Variants in PCDHA9 observed in about 807,000 individuals in gnomAD.
PCDHA9 encodes the protein protocadherin alpha 9, also known as protocadherin alpha-9.
Under a neutral mutation model 62.0 loss-of-function variants are expected in PCDHA9, and 62 were observed. The observed-to-expected ratio is 1.00, with a 90% CI of 0.81 to 1.23. PCDHA9 has a LOEUF of 1.23. Ranked by LOEUF, PCDHA9 falls within the 50% of genes most tolerant of loss-of-function variation. The pLI is 0.00. For synonymous variants in PCDHA9, 557 were observed against 567.6 expected (o/e 0.98, Z 0.27); for missense variants, 1,205 against 1,249.8 (o/e 0.96, Z 0.54).
At chr5:140,959,549 A>G (rs1240469168) in intron 1 of PCDHA9, among the ~76,000 whole-genome samples, 1 of 152,248 alleles carries the variant, frequency 6.6e-6, no homozygotes, top group East Asian at 1.9e-4. Flanking sequence ...TGCTGTATAA[A>G]TAGAATCAGT....
intron 1 of PCDHA9, among the ~76,000 whole-genome samples, chr5:140,909,874 T>G (rs778631778): frequency 2.6e-4 from 39 of 152,184 alleles, no homozygotes; most frequent in Admixed American, 5.2e-4. Context: ...CAACGTCAGC[T>G]TAGAGACACT....
rs371269236 is a variant in PCDHA9, at chr5:141,009,740, G to A, written c.2656G>A (p.Asp886Asn). Residue 886 changes from aspartate to asparagine, a missense_variant, in exon 4 of 4, where the codon GAC becomes AAC. Asp to Asn is a conservative substitution (Grantham distance 23, BLOSUM62 1). This residue lies in a region of PCDHA9 where 887 missense variants were observed against 809.5 expected (regional missense o/e 1.10). Coordinates refer to ENST00000532602, the MANE Select transcript of PCDHA9 (RefSeq NM_031857.2). ...PKQSGPGELP[D>N]KFIIPGSPAI... ...ACAATCCGGTCCCGGTGAGTTGCCC[G>A]ACAAATTCATTATCCCAGGATCTCC... The A allele has an allele frequency of 1.8e-4, 293 of 1,613,962 alleles. No individual in the cohort carries two copies. Among genetic ancestry groups the A allele is most frequent in the East Asian group, 1.6e-3 (74 of 44,884 alleles).
intron 1 of PCDHA9, among the ~76,000 whole-genome samples, chr5:140,916,133 G>A (rs2077446110): frequency 6.6e-6 from 1 of 152,114 alleles, no homozygotes; most frequent in Non-Finnish European, 1.5e-5. Flanking sequence ...AAGCTTAAGG[G>A]CTGTTCAGTT....
At chr5:140,991,214 A>G (rs922136535) in intron 3 of PCDHA9, among the ~76,000 whole-genome samples, 4 of 152,202 alleles carry the variant, frequency 2.6e-5, no homozygotes, top group Non-Finnish European at 4.4e-5. Context: ...AATTTTGTTA[A>G]ATTCATTAAT....
chr5:140,996,217 T>C (rs2097717491), intron 3 of PCDHA9, among the ~76,000 whole-genome samples: 1 of 152,192 alleles, frequency 6.6e-6, no homozygotes, highest in South Asian at 2.1e-4. Context: ...TCACTACTTG[T>C]CTAGAAATGG....
At chr5:140,863,176 A>G (rs199525571) in intron 1 of PCDHA9, 25 of 723,868 alleles carry the variant, frequency 3.5e-5, no homozygotes, top group South Asian at 2.0e-4. Flanking sequence ...GCTGACTGCC[A>G]CCGTCACCGT....
chr5:140,987,474 G>A (rs114440148), intron 3 of PCDHA9, among the ~76,000 whole-genome samples: 307 of 152,240 alleles, frequency 2.0e-3, no homozygotes, highest in African/African-American at 7.1e-3. Context: ...CTCAAGCTTG[G>A]GAGTCAGTGA....
At chr5:140,924,725 C>G (rs1015635507) in intron 1 of PCDHA9, among the ~76,000 whole-genome samples, 1 of 151,698 alleles carries the variant, frequency 6.6e-6, no homozygotes, top group East Asian at 1.9e-4. Context: ...CGAAACCTCA[C>G]CTCTAATAAA....
intron 3 of PCDHA9, among the ~76,000 whole-genome samples, chr5:140,985,779 G>A (rs2097170620): frequency 7.9e-6 from 1 of 126,148 alleles, no homozygotes; most frequent in Non-Finnish European, 1.6e-5. Flanking sequence ...TCGCTCTGTC[G>A]CCCAGGCTGG....
At chr5:140,958,620 T>C (rs1260968586) in intron 1 of PCDHA9, among the ~76,000 whole-genome samples, 1 of 152,132 alleles carries the variant, frequency 6.6e-6, no homozygotes, top group African/African-American at 2.4e-5. Flanking sequence ...CTAGTCCAGC[T>C]TGAGAGTACT....
chr5:141,009,946 A>G lies in PCDHA9; in HGVS notation c.*9A>G, dbSNP rs781855183. On this transcript the variant is annotated 3_prime_UTR_variant, in exon 4 of 4. Transcript: ENST00000532602. ...ACAACAGTGACCAGTGAGGTCCTCA[A>G]ATGGAAACAAGCCACTTAGCCAGTT... 8.8e-6 allele frequency: 14 copies of G among 1,596,354 alleles called. No homozygotes were observed. The highest frequency in any genetic ancestry group is 1.7e-4 in the Middle Eastern group (1 of 5,948).
chr5:140,968,782 C>G, intron 1 of PCDHA9: 1 of 1,614,192 alleles, frequency 6.2e-7, no homozygotes, highest in South Asian at 1.1e-5. Flanking sequence ...CACTATCAGC[C>G]TCTGTGGCCA....
At chr5:140,856,100 C>T (rs782183125) in intron 1 of PCDHA9, 2 of 1,597,876 alleles carry the variant, frequency 1.3e-6, no homozygotes, top group Non-Finnish European at 1.7e-6. Context: ...GCTCTCGCTT[C>T]TTCTCCTCGC....
chr5:140,883,685 C>T (rs782100865), intron 1 of PCDHA9: 50 of 1,613,734 alleles, frequency 3.1e-5, no homozygotes, highest in Non-Finnish European at 3.7e-5. Context: ...GCCGGGCTGC[C>T]ACATCTTCAC....
At chr5:141,008,502 G>A (rs539439181) in intron 3 of PCDHA9, among the ~76,000 whole-genome samples, 2 of 152,110 alleles carry the variant, frequency 1.3e-5, no homozygotes, top group South Asian at 4.2e-4. Context: ...TATACTTTAT[G>A]GTGTGTCTTC....
intron 1 of PCDHA9, among the ~76,000 whole-genome samples, chr5:140,934,942 A>G (rs146210062): frequency 2.5e-3 from 376 of 152,312 alleles, no homozygotes; most frequent in African/African-American, 8.6e-3. Flanking sequence ...AAACTAGTAT[A>G]GAGAGATCCC....
intron 1 of PCDHA9, among the ~76,000 whole-genome samples, chr5:140,892,007 T>C (rs1285446962): frequency 1.3e-5 from 2 of 152,244 alleles, no homozygotes; most frequent in South Asian, 2.1e-4. Context: ...CATTCTGTTA[T>C]AGCAGCACAA....
chr5:140,942,448 A>C (rs140426253), intron 1 of PCDHA9, among the ~76,000 whole-genome samples: 3,563 of 152,146 alleles, frequency 0.023, 50 homozygotes, highest in Middle Eastern at 0.034. Flanking sequence ...CAAGTAAACT[A>C]TCAATTATAA....
chr5:140,900,252 AG>A (rs2067859572), intron 1 of PCDHA9, among the ~76,000 whole-genome samples: 1 of 152,096 alleles, frequency 6.6e-6, no homozygotes, highest in South Asian at 2.1e-4. Flanking sequence ...ATGGCTGAAT[AG>A]TACTCCATTG....
Sources: gnomAD v4.1 joint callset for allele counts (sites outside exome capture counted in the v4.1 genomes callset) on GRCh38, gnomAD v4.1.1 for gene constraint, gnomAD v4.1.1 regional missense constraint, MANE v1.5 for transcripts, NCBI Gene and HGNC (gene_info 2026-07-23, HGNC 2026-07-21) for gene names.